The following CACNA1C variants were observed in gnomAD, a reference collection of about 807,000 sequenced individuals.
CACNA1C encodes the protein calcium voltage-gated channel subunit alpha1 C.
Under a neutral mutation model 229.0 loss-of-function variants are expected in CACNA1C, and 30 were observed. The ratio of observed to expected loss-of-function variants is 0.13; its 90% CI spans 0.10 to 0.18. The LOEUF (loss-of-function observed/expected upper bound fraction) is 0.18, where lower values mean the gene tolerates loss of function less well. Among genes scored for constraint, CACNA1C ranks in the 10% least tolerant of loss-of-function variants. The pLI, the probability that CACNA1C is intolerant of heterozygous loss-of-function variation, is 1.00. For missense variants in CACNA1C, 1,658 were observed against 2,845.0 expected (o/e 0.58, Z 9.49); for synonymous variants, 1,114 against 1,132.5 (o/e 0.98, Z 0.33).
chr12:2,178,265 T>C (rs2096728045), intron 3 of CACNA1C, among the ~76,000 whole-genome samples: 3 of 152,194 alleles, frequency 2.0e-5, no homozygotes, highest in Non-Finnish European at 4.4e-5. Flanking sequence ...AATAGAGTTG[T>C]CATGCCAGGA....
chr12:2,253,452 C>G (rs561788527), intron 3 of CACNA1C, among the ~76,000 whole-genome samples: 16 of 152,300 alleles, frequency 1.1e-4, no homozygotes, highest in African/African-American at 2.6e-4. Flanking sequence ...ATTGACTGAT[C>G]CATGTGGAAG....
intron 3 of CACNA1C, among the ~76,000 whole-genome samples, chr12:2,170,770 G>C (rs929738157): frequency 2.6e-5 from 4 of 152,238 alleles, no homozygotes; most frequent in Non-Finnish European, 5.9e-5. Flanking sequence ...CAAGGAAGTT[G>C]AGGACACGTT....
chr12:2,167,932 G>T (rs1055442989), intron 3 of CACNA1C, among the ~76,000 whole-genome samples: 17 of 152,146 alleles, frequency 1.1e-4, no homozygotes, highest in Non-Finnish European at 5.9e-5. Context: ...ATGCAAATAG[G>T]TATTTTTAAT....
chr12:2,019,828 G>A (rs2046124659), intron 1 of CACNA1C: 1 of 152,244 alleles, frequency 6.6e-6, no homozygotes, highest in Admixed American at 6.5e-5. Context: ...AGATATCAGT[G>A]GTAGATGGTT....
At chr12:2,419,697 G>C (rs2098954926) in intron 3 of CACNA1C, among the ~76,000 whole-genome samples, 1 of 152,154 alleles carries the variant, frequency 6.6e-6, no homozygotes, top group South Asian at 2.1e-4. Flanking sequence ...TCTAGACAGG[G>C]GCACAAACCC....
At chr12:2,242,156 T>C (rs1043424632) in intron 3 of CACNA1C, among the ~76,000 whole-genome samples, 1 of 152,216 alleles carries the variant, frequency 6.6e-6, no homozygotes, top group Non-Finnish European at 1.5e-5. Flanking sequence ...TACTTTGCTC[T>C]TGCTACATTC....
chr12:2,600,964 C>T (rs1282051145), intron 21 of CACNA1C, among the ~76,000 whole-genome samples: 1 of 152,114 alleles, frequency 6.6e-6, no homozygotes, highest in Non-Finnish European at 1.5e-5. Flanking sequence ...CTCATTTTTC[C>T]AATGAGGAAA....
chr12:2,269,040 G>T (rs956326660), intron 3 of CACNA1C, among the ~76,000 whole-genome samples: 5 of 152,192 alleles, frequency 3.3e-5, no homozygotes, highest in East Asian at 1.9e-4. Context: ...CTGGCAGCAG[G>T]TACCAGCAAG....
At chr12:2,543,936 C>T (rs898181847) in intron 9 of CACNA1C, among the ~76,000 whole-genome samples, 2 of 152,168 alleles carry the variant, frequency 1.3e-5, no homozygotes, top group Non-Finnish European at 2.9e-5. Flanking sequence ...GCAGGGCTCT[C>T]ATCCCCTCAG....
chr12:2,074,769 C>G (rs546905260), intron 1 of CACNA1C, among the ~76,000 whole-genome samples: 15 of 152,290 alleles, frequency 9.8e-5, no homozygotes, highest in African/African-American at 3.6e-4. Context: ...TGAAAATAGC[C>G]CATAGCCATC....
intron 3 of CACNA1C, among the ~76,000 whole-genome samples, chr12:2,235,574 C>G (rs1048368722): frequency 6.6e-6 from 1 of 152,226 alleles, no homozygotes; most frequent in African/African-American, 2.4e-5. Context: ...CTCCCACATG[C>G]TGCCTTGCAG....
chr12:2,349,538 C>G (rs948117076), intron 3 of CACNA1C, among the ~76,000 whole-genome samples: 6 of 152,152 alleles, frequency 3.9e-5, no homozygotes, highest in Admixed American at 3.9e-4. Context: ...CAGAGAAGAG[C>G]TCCCACGTCT....
At chr12:2,418,308 A>G (rs766239698) in intron 3 of CACNA1C, among the ~76,000 whole-genome samples, 11 of 152,088 alleles carry the variant, frequency 7.2e-5, no homozygotes, top group Non-Finnish European at 1.5e-4. Flanking sequence ...TATAAATACA[A>G]CAGGTGCAAG....
intron 4 of CACNA1C, 30 bp from the exon 5 acceptor site, chr12:2,457,537 G>A: frequency 6.3e-7 from 1 of 1,599,532 alleles, no homozygotes; most frequent in Non-Finnish European, 8.5e-7. Context: ...ACCCAGTCCT[G>A]ACAGTCCTTC....
chr12:2,439,884 T>C (rs1429528874), intron 3 of CACNA1C, among the ~76,000 whole-genome samples: 2 of 152,146 alleles, frequency 1.3e-5, no homozygotes, highest in Non-Finnish European at 2.9e-5. Context: ...TTTACAAGAA[T>C]GTCCTGAGTG....
chr12:2,581,485 A>C, intron 13 of CACNA1C, 105 bp from the exon 14 acceptor site: 3 of 1,023,150 alleles, frequency 2.9e-6, no homozygotes, highest in Non-Finnish European at 4.2e-6. Context: ...AAGAGCATAG[A>C]GTGGCAGCTC....
chr12:2,220,115 T>C (rs947400463), intron 3 of CACNA1C, among the ~76,000 whole-genome samples: 1 of 152,218 alleles, frequency 6.6e-6, no homozygotes, highest in African/African-American at 2.4e-5. Context: ...TCCCCTGTTC[T>C]CCAACTGGCA....
chr12:2,084,747 C>T (rs185960665), intron 1 of CACNA1C, among the ~76,000 whole-genome samples: 52 of 152,300 alleles, frequency 3.4e-4, no homozygotes, highest in African/African-American at 1.1e-3. Flanking sequence ...CTGTGCTCTA[C>T]TGTTGACTCA....
intron 3 of CACNA1C, among the ~76,000 whole-genome samples, chr12:2,346,000 G>T (rs577445344): frequency 1.6e-3 from 246 of 152,312 alleles, no homozygotes; most frequent in African/African-American, 5.5e-3. Flanking sequence ...CCCGGGCTTG[G>T]TCTGTGAAGG....
Sources: allele counts gnomAD v4.1 joint callset (sites outside exome capture counted in the v4.1 genomes callset), GRCh38; gene constraint gnomAD v4.1.1; transcripts MANE v1.5; gene names NCBI Gene and HGNC (gene_info 2026-07-23, HGNC 2026-07-21).